The following KCNIP1 variants were observed in gnomAD, a reference collection of about 807,000 sequenced individuals.
KCNIP1 encodes the protein potassium voltage-gated channel interacting protein 1.
Under a neutral mutation model 33.0 loss-of-function variants are expected in KCNIP1, and 18 were observed. That is an observed-to-expected ratio of 0.55 (90% CI 0.38 to 0.81). The LOEUF is 0.81. KCNIP1 is among the 30% of genes least tolerant of loss of function. The pLI is 0.00. For missense variants in KCNIP1, 238 were observed against 271.6 expected (o/e 0.88, Z 0.87); for synonymous variants, 93 against 98.3 (o/e 0.95, Z 0.32).
chr5:170,448,961 TG>T, intron 1 of KCNIP1, among the ~76,000 whole-genome samples: 1 of 152,194 alleles, frequency 6.6e-6, no homozygotes. Context: ...GCTACGCAGC[TG>T]GGAAGCACAT....
intron 5 of KCNIP1, among the ~76,000 whole-genome samples, chr5:170,724,579 A>G (rs1278445035): frequency 6.6e-6 from 1 of 152,230 alleles, no homozygotes; most frequent in Non-Finnish European, 1.5e-5. Flanking sequence ...GTATAATTGT[A>G]TTAATAGAAA....
At chr5:170,665,271 T>A (rs1261325402) in intron 1 of KCNIP1, among the ~76,000 whole-genome samples, 3 of 152,176 alleles carry the variant, frequency 2.0e-5, no homozygotes, top group African/African-American at 7.2e-5. Flanking sequence ...GGAAGGCCAG[T>A]TAGATACAAT....
At chr5:170,683,579 G>C (rs964794530) in intron 1 of KCNIP1, among the ~76,000 whole-genome samples, 1 of 152,114 alleles carries the variant, frequency 6.6e-6, no homozygotes, top group Non-Finnish European at 1.5e-5. Context: ...CACAATTTGA[G>C]TACTAAAGAG....
intron 1 of KCNIP1, chr5:170,378,440 T>G: frequency 2.3e-6 from 1 of 441,492 alleles, no homozygotes; most frequent in Non-Finnish European, 4.0e-6. Flanking sequence ...ATGAGTCAGT[T>G]GAGTGGGGAC....
At position 170,650,758 on chromosome 5, in the gene KCNIP1, G is replaced by T. The variant is rs192532629; in HGVS notation, c.62-68000G>T. Among the ~76,000 whole-genome samples, 262 of 152,278 alleles carry T rather than the reference G, an allele frequency of 1.7e-3. 1 individual carries two copies. The highest frequency in any genetic ancestry group is 2.9e-3 in the Non-Finnish European group (194 of 68,022). On this transcript the variant is annotated intron_variant, in intron 1 of 7. Transcript: ENST00000328939. ...AATTGCGAATTTAGGATTTTCCAAAGTAGATGTAGCATTTTATACCCACCA... is the reference window on the plus strand; with the variant it reads ...AATTGCGAATTTAGGATTTTCCAAATTAGATGTAGCATTTTATACCCACCA...
At chr5:170,390,517 A>AAAAAAAAAAAAAAATAGATAGAT in intron 1 of KCNIP1, among the ~76,000 whole-genome samples, 1 of 74,546 alleles carries the variant, frequency 1.3e-5, no homozygotes, top group Non-Finnish European at 2.5e-5. Context: ...AAAAAAAACA[A>AAAAAAAAAAAAAAATAGATAGAT]ATATATATAT....
rs925988857 is a variant in KCNIP1, at chr5:170,489,755, G to A, written c.88+135791G>A. Among the ~76,000 whole-genome samples, 6 of 152,200 alleles carry A rather than the reference G, an allele frequency of 3.9e-5. No homozygotes were observed. Among genetic ancestry groups the A allele is most frequent in the South Asian group, 2.1e-4 (1 of 4,834 alleles). Reference sequence around the variant, plus strand: ...CTTTACAACTGACGGGAGCTATCCTGGGGAATGAAGCCTGAGGCTAAAACC... The same window carrying A: ...CTTTACAACTGACGGGAGCTATCCTAGGGAATGAAGCCTGAGGCTAAAACC... On this transcript the variant is annotated intron_variant, in intron 1 of 7. Transcript: ENST00000377360. This position sits in a 1 kb window ranked among gnomAD's most constrained non-coding sequence, Gnocchi z 4.3.
chr5:170,497,430 C>G (rs1757330724), intron 1 of KCNIP1, among the ~76,000 whole-genome samples: 1 of 152,180 alleles, frequency 6.6e-6, no homozygotes, highest in Non-Finnish European at 1.5e-5. Flanking sequence ...CATAACCTTT[C>G]CTCCTTAGGA....
intron 1 of KCNIP1, among the ~76,000 whole-genome samples, chr5:170,391,633 T>G (rs975359524): frequency 5.9e-5 from 9 of 152,180 alleles, no homozygotes; most frequent in African/African-American, 2.2e-4. Flanking sequence ...TCCAACAGCT[T>G]CTTAAGGTAC....
intron 1 of KCNIP1, among the ~76,000 whole-genome samples, chr5:170,492,731 G>A (rs1757230987): frequency 6.6e-6 from 1 of 151,696 alleles, no homozygotes; most frequent in African/African-American, 2.4e-5. Context: ...TGCTAGGAAT[G>A]GGAGACAGAG....
chr5:170,565,920 C>A (rs767525541), intron 1 of KCNIP1, among the ~76,000 whole-genome samples: 11 of 152,138 alleles, frequency 7.2e-5, no homozygotes, highest in Non-Finnish European at 1.2e-4. Context: ...CAAAAATGGA[C>A]AAATGCAGGA....
At chr5:170,724,304 C>T (rs1190009576) in intron 5 of KCNIP1, among the ~76,000 whole-genome samples, 2 of 151,778 alleles carry the variant, frequency 1.3e-5, no homozygotes, top group Non-Finnish European at 2.9e-5. Flanking sequence ...ATACCCAAAC[C>T]AAAGAAAAAA....
rs144123593 is a variant in KCNIP1 at position 170,609,658 on chromosome 5, T to A, written c.61+105025T>A. The stretch of plus-strand genomic sequence containing the variant: ...GAGTTCAAGACCAGCCTGGGCAACA[T>A]AGCGAGACCTCACTAAAAATAAAAC... On this transcript the variant is annotated intron_variant, in intron 1 of 7. Transcript: ENST00000328939. Among the ~76,000 whole-genome samples the A allele has an allele frequency of 1.4e-4, 21 of 151,978 alleles. No homozygotes were observed. In the East Asian group the frequency reaches 4.1e-3, roughly 29 times the overall value.
chr5:170,721,501 T>C (rs944235813), intron 3 of KCNIP1, among the ~76,000 whole-genome samples: 1 of 152,146 alleles, frequency 6.6e-6, no homozygotes, highest in Non-Finnish European at 1.5e-5. Context: ...GAGTGAGTGC[T>C]CATCCCAGGC....
intron 5 of KCNIP1, among the ~76,000 whole-genome samples, chr5:170,726,782 G>A (rs1308661654): frequency 6.7e-6 from 1 of 148,526 alleles, no homozygotes; most frequent in Non-Finnish European, 1.5e-5. Flanking sequence ...ATGGTGGTAA[G>A]CACCTGTGGT....
chr5:170,366,645 A>G (rs930088841), intron 1 of KCNIP1, among the ~76,000 whole-genome samples: 3 of 152,198 alleles, frequency 2.0e-5, no homozygotes, highest in African/African-American at 4.8e-5. Context: ...GACTCCTCCA[A>G]ATGTCCTCAG....
chr5:170,523,924 C>G (rs1429330112), intron 1 of KCNIP1, among the ~76,000 whole-genome samples: 1 of 152,182 alleles, frequency 6.6e-6, no homozygotes, highest in African/African-American at 2.4e-5. Flanking sequence ...TTTCCCACTC[C>G]CTGTGCACCA....
intron 1 of KCNIP1, among the ~76,000 whole-genome samples, chr5:170,462,134 GC>G (rs1756515279): frequency 6.6e-6 from 1 of 151,964 alleles, no homozygotes; most frequent in Non-Finnish European, 1.5e-5. Context: ...AAACTAAAGA[GC>G]TTTTGCACAG....
intron 1 of KCNIP1, among the ~76,000 whole-genome samples, chr5:170,611,997 C>T (rs1183620656): frequency 1.3e-5 from 2 of 152,204 alleles, no homozygotes; most frequent in Non-Finnish European, 2.9e-5. Flanking sequence ...TACTTTTCCT[C>T]CTGGAGTTCA....
Sources: gnomAD v4.1 joint callset for allele counts (sites outside exome capture counted in the v4.1 genomes callset) on GRCh38, gnomAD v4.1.1 for gene constraint, Gnocchi (gnomAD v3.1) non-coding constraint, MANE v1.5 for transcripts, NCBI Gene and HGNC (gene_info 2026-07-23, HGNC 2026-07-21) for gene names.